The following SGCD variants were observed in gnomAD, a reference collection of about 807,000 sequenced individuals.
The protein encoded by SGCD is delta-sarcoglycan.
In SGCD, 18 loss-of-function variants were observed where a neutral mutation model predicts 36.6. The observed-to-expected ratio is 0.49, with a 90% CI of 0.34 to 0.73. The LOEUF (loss-of-function observed/expected upper bound fraction) is 0.73, where lower values mean the gene tolerates loss of function less well. Among genes scored for constraint, SGCD ranks in the 30% least tolerant of loss-of-function variants. The probability of loss-of-function intolerance (pLI) is 0.01; values close to 1 mark genes in which losing one functional copy is unlikely to be tolerated. For synonymous variants in SGCD, 133 were observed against 130.6 expected (o/e 1.02, Z -0.12); for missense variants, 387 against 346.7 (o/e 1.12, Z -0.92).
At chr5:156,025,569 A>G (rs568922944) in intron 1 of SGCD, among the ~76,000 whole-genome samples, 36 of 152,334 alleles carry the variant, frequency 2.4e-4, no homozygotes, top group African/African-American at 8.4e-4. Flanking sequence ...CTTTTTATTC[A>G]TGGAGCATCT....
Position 156,506,837 on chromosome 5 carries a change from A to G in SGCD, c.193-1764A>G, listed in dbSNP as rs143498857. 2.4e-3 allele frequency among the ~76,000 whole-genome samples: 359 copies of G among 152,346 alleles called. 2 individuals carry two copies. Among genetic ancestry groups the G allele is most frequent in the African/African-American group, 8.2e-3 (342 of 41,582 alleles). On this transcript the variant is annotated intron_variant, in intron 3 of 8. Coordinates refer to ENST00000337851, the MANE Select transcript of SGCD (RefSeq NM_000337.6). Reference sequence around the variant, plus strand: ...AAAATCCAACTCTGTCAATTCCTCTACAAACTAAAATTCAGAGTTAGCAAA... The same window carrying G: ...AAAATCCAACTCTGTCAATTCCTCTGCAAACTAAAATTCAGAGTTAGCAAA...
At chr5:156,202,758 T>A (rs1460805359) in intron 3 of SGCD, among the ~76,000 whole-genome samples, 9 of 150,662 alleles carry the variant, frequency 6.0e-5, no homozygotes, top group African/African-American at 2.2e-4. Flanking sequence ...GGTTCCTTTT[T>A]TTTTTTTTTT....
chr5:156,275,856 A>G (rs368885223), intron 3 of SGCD, among the ~76,000 whole-genome samples: 27 of 152,286 alleles, frequency 1.8e-4, no homozygotes, highest in Middle Eastern at 6.8e-3. Flanking sequence ...CCCTCACAAC[A>G]TAAAGTTCCT....
At chr5:156,402,228 C>T (rs1421014108) in intron 3 of SGCD, among the ~76,000 whole-genome samples, 1 of 152,166 alleles carries the variant, frequency 6.6e-6, no homozygotes, top group Non-Finnish European at 1.5e-5. Context: ...TATGAACATT[C>T]ATGCACAAAT....
intron 1 of SGCD, among the ~76,000 whole-genome samples, chr5:155,942,883 T>C (rs2113414030): frequency 6.6e-6 from 1 of 152,342 alleles, no homozygotes; most frequent in African/African-American, 2.4e-5. Flanking sequence ...GTTATAATTA[T>C]GTTCAACCAT....
At chr5:156,469,746 G>A (rs574837572) in intron 3 of SGCD, among the ~76,000 whole-genome samples, 46 of 152,290 alleles carry the variant, frequency 3.0e-4, no homozygotes, top group Middle Eastern at 3.4e-3. Context: ...TTCATATGTT[G>A]GTGTAAGATG....
At chr5:156,137,379 C>A (rs10068958) in intron 3 of SGCD, among the ~76,000 whole-genome samples, 7,090 of 152,196 alleles carry the variant, frequency 0.047, 561 homozygotes, top group African/African-American at 0.16. Context: ...TATCTCAATT[C>A]AACTATATAC....
At chr5:156,433,630 CA>C (rs945238054) in intron 3 of SGCD, among the ~76,000 whole-genome samples, 1 of 152,268 alleles carries the variant, frequency 6.6e-6, no homozygotes, top group African/African-American at 2.4e-5. Flanking sequence ...TCATTTTGAA[CA>C]GCTAAAAGGG....
chr5:156,628,682 A>G (rs1398662999), intron 6 of SGCD, among the ~76,000 whole-genome samples: 2 of 152,210 alleles, frequency 1.3e-5, no homozygotes, highest in African/African-American at 4.8e-5. Flanking sequence ...TGCCATTCTA[A>G]TCACCAAACC....
At chr5:156,555,400 G>A (rs1758980588) in intron 4 of SGCD, among the ~76,000 whole-genome samples, 1 of 152,024 alleles carries the variant, frequency 6.6e-6, no homozygotes, top group Admixed American at 6.6e-5. Flanking sequence ...TTTTGTGTAT[G>A]TTGTTAGGTA....
chr5:156,575,187 AT>A (rs1290857289), intron 4 of SGCD, among the ~76,000 whole-genome samples: 1 of 152,208 alleles, frequency 6.6e-6, no homozygotes, highest in African/African-American at 2.4e-5. Context: ...TGAAAAGCGT[AT>A]CTTAATCTTG....
At chr5:156,682,518 T>C (rs767879360) in intron 7 of SGCD, among the ~76,000 whole-genome samples, 5 of 152,220 alleles carry the variant, frequency 3.3e-5, no homozygotes, top group African/African-American at 1.2e-4. Flanking sequence ...AATCAAACTG[T>C]ATAAATGCAA....
At chr5:155,863,964 A>G in the SGCD span, among the ~76,000 whole-genome samples, 7 of 152,322 alleles carry the variant, frequency 4.6e-5, no homozygotes, top group South Asian at 1.2e-3. Context: ...ACAATCAAAT[A>G]GGAAGTACAT....
intron 7 of SGCD, among the ~76,000 whole-genome samples, chr5:156,722,151 A>G (rs144641952): frequency 6.6e-6 from 1 of 152,332 alleles, no homozygotes; most frequent in African/African-American, 2.4e-5. Context: ...TGACTAACTC[A>G]GAAGCCCACA....
At chr5:156,068,928 G>A (rs1760437002) in intron 1 of SGCD, among the ~76,000 whole-genome samples, 1 of 152,022 alleles carries the variant, frequency 6.6e-6, no homozygotes, top group Admixed American at 6.6e-5. Flanking sequence ...CTTCTTTTGA[G>A]GAGTGTCTGT....
intron 3 of SGCD, among the ~76,000 whole-genome samples, chr5:156,153,034 G>T (rs76492040): frequency 0.037 from 5,587 of 151,480 alleles, 550 homozygotes; most frequent in African/African-American, 0.13. Flanking sequence ...TTTAAATGAC[G>T]TAAGCTCATG....
At chr5:156,597,994 T>C (rs559776162) in intron 6 of SGCD, among the ~76,000 whole-genome samples, 47 of 152,304 alleles carry the variant, frequency 3.1e-4, no homozygotes, top group African/African-American at 1.0e-3. Context: ...CTATACTTGC[T>C]GTGGCCTCTA....
At chr5:156,747,578 T>C (rs1243493127) in intron 7 of SGCD, among the ~76,000 whole-genome samples, 1 of 152,140 alleles carries the variant, frequency 6.6e-6, no homozygotes, top group Admixed American at 6.6e-5. Context: ...TCCCTCAGTT[T>C]CTTGGGCCTC....
intron 7 of SGCD, among the ~76,000 whole-genome samples, chr5:156,712,272 C>G (rs1755026262): frequency 6.6e-6 from 1 of 152,154 alleles, no homozygotes; most frequent in East Asian, 1.9e-4. Flanking sequence ...CAGACAGAGT[C>G]ATGACAGCCT....
Sources: allele counts gnomAD v4.1 joint callset (sites outside exome capture counted in the v4.1 genomes callset), GRCh38; gene constraint gnomAD v4.1.1; transcripts MANE v1.5; gene names NCBI Gene and HGNC (gene_info 2026-07-23, HGNC 2026-07-21).